The following CHRNA2 variants were observed in gnomAD, a reference collection of about 807,000 sequenced individuals.
CHRNA2 encodes neuronal acetylcholine receptor subunit alpha-2.
Under a neutral mutation model 45.5 loss-of-function variants are expected in CHRNA2, and 40 were observed. The ratio of observed to expected loss-of-function variants is 0.88; its 90% CI spans 0.68 to 1.15. The LOEUF (loss-of-function observed/expected upper bound fraction) is 1.15. Among genes scored for constraint, CHRNA2 ranks in the 50% most tolerant of loss-of-function variants. The pLI, the probability that CHRNA2 is intolerant of heterozygous loss-of-function variation, is 0.00. For synonymous variants in CHRNA2, 301 were observed against 296.7 expected, an observed-to-expected ratio of 1.01 and a Z score of -0.15; for missense variants, 655 against 701.7, an observed-to-expected ratio of 0.93 and a Z score of 0.75.
intron 4 of CHRNA2, 117 bp from the exon 5 acceptor site, chr8:27,467,455 G>C (rs557339825): frequency 1.3e-6 from 1 of 758,762 alleles, no homozygotes; most frequent in African/African-American, 1.7e-5. Context: ...AGCAGCCAGG[G>C]CTCCCCACCC....
Position 27,463,133 on chromosome 8 carries a change from C to T in CHRNA2, c.1310G>A (p.Cys437Tyr). 1 of 1,605,904 alleles carries T rather than the reference C, an allele frequency of 6.2e-7. No individual in the cohort carries two copies. The highest frequency in any genetic ancestry group is 8.5e-7 in the Non-Finnish European group (1 of 1,173,356). ...GHVAPSVGTL[C>Y]SHGHLHSGAS... ...CCCAGAGTGCAGGTGGCCGTGGCTG[C>T]AGAGGGTGCCCACAGAGGGGGCCAC... Residue 437 changes from cysteine (C) to tyrosine (Y), a missense_variant, in exon 6 of 7, where the codon TGC becomes TAC. Physicochemically the swap from Cys to Tyr is radical, Grantham distance 194. Coordinates refer to ENST00000407991, the MANE Select transcript of CHRNA2 (RefSeq NM_000742.4). This position sits in a 1 kb window ranked among gnomAD's most constrained non-coding sequence, Gnocchi z 6.1.
intron 5 of CHRNA2, 53 bp downstream of exon 5, chr8:27,467,176 G>GC: frequency 1.4e-6 from 2 of 1,417,064 alleles, no homozygotes; most frequent in Non-Finnish European, 2.0e-6. Flanking sequence ...CATGGACCCG[G>GC]CCCCTGCAAG....
At position 27,461,603 on chromosome 8, in the gene CHRNA2, T is replaced by G; in HGVS notation, c.*26A>C. ...CAAAAGATGGTCAGCGGGGGTGCCCTGGGAGCCAGCTCGAGGGAGGTGCAG... is the reference window on the plus strand; with the variant it reads ...CAAAAGATGGTCAGCGGGGGTGCCCGGGGAGCCAGCTCGAGGGAGGTGCAG... On this transcript the variant is annotated 3_prime_UTR_variant, in exon 7 of 7. Coordinates refer to ENST00000407991, the MANE Select transcript of CHRNA2 (RefSeq NM_000742.4). 6.2e-7 allele frequency: 1 copy of G among 1,613,928 alleles called. No individual in the cohort carries two copies. Among genetic ancestry groups the G allele is most frequent in the Non-Finnish European group, 8.5e-7 (1 of 1,179,858 alleles).
intron 1 of CHRNA2, among the ~76,000 whole-genome samples, chr8:27,473,298 G>A (rs192148123): frequency 6.6e-6 from 1 of 152,252 alleles, no homozygotes; most frequent in African/African-American, 2.4e-5. Flanking sequence ...AGTGGTGACG[G>A]CTGCACACTG....
chr8:27,467,183 C>CAA, intron 5 of CHRNA2, 46 bp downstream of exon 5: 3 of 1,485,426 alleles, frequency 2.0e-6, no homozygotes, highest in Non-Finnish European at 1.9e-6. Flanking sequence ...CCGGCCCCTG[C>CAA]AAGTTGGCCT....
chr8:27,475,978 G>T (rs1284697294), intron 1 of CHRNA2, among the ~76,000 whole-genome samples: 1 of 152,198 alleles, frequency 6.6e-6, no homozygotes, highest in Non-Finnish European at 1.5e-5. Flanking sequence ...AAGGTACCCA[G>T]GGCAGGAGGA....
At position 27,463,756 on chromosome 8, in the gene CHRNA2, G is replaced by A. The variant is rs1050947622; in HGVS notation, c.687C>T (p.Gly229=). Residue 229 remains glycine, a synonymous_variant, in exon 6 of 7, where the codon GGC becomes GGT. Coordinates refer to ENST00000407991, the MANE Select transcript of CHRNA2 (RefSeq NM_000742.4). The surrounding 1 kb of genome is among the most constrained non-coding windows in gnomAD (Gnocchi z 6.1). ...TVDLKDYWES[G]EWAIVNATGT... Reference sequence around the variant, plus strand: ...CCGTGGCATTGACGATGGCCCACTCGCCGCTCTCCCAGTAGTCCTTCAGGT... The same window carrying A: ...CCGTGGCATTGACGATGGCCCACTCACCGCTCTCCCAGTAGTCCTTCAGGT... 1.2e-5 allele frequency: 19 copies of A among 1,613,966 alleles called. No homozygotes were observed. The East Asian group carries it at 1.6e-4, about 13-fold the overall frequency.
chr8:27,468,960 C>G (rs1290081250), intron 4 of CHRNA2, among the ~76,000 whole-genome samples: 1 of 152,218 alleles, frequency 6.6e-6, no homozygotes, highest in Non-Finnish European at 1.5e-5. Context: ...CAGCTGGGCC[C>G]CCTTTTCCAG....
chr8:27,475,518 TA>T (rs1162185556), intron 1 of CHRNA2: 2 of 153,498 alleles, frequency 1.3e-5, no homozygotes, highest in African/African-American at 4.8e-5. Context: ...AGACAGAAAG[TA>T]GAATGGTGGG....
chr8:27,465,467 C>T lies in CHRNA2; in HGVS notation c.450-1474G>A, dbSNP rs921938652. Among the ~76,000 whole-genome samples the T allele has an allele frequency of 5.3e-5, 8 of 152,216 alleles. No homozygotes were observed. The East Asian group carries it at 1.5e-3, about 29-fold the overall frequency. On this transcript the variant is annotated intron_variant, in intron 5 of 6. Coordinates refer to ENST00000407991, the MANE Select transcript of CHRNA2 (RefSeq NM_000742.4). The stretch of plus-strand genomic sequence containing the variant: ...TTTTTTTTTGAGGCGGAATCTCACT[C>T]TGTTATCGGGCTGGAGTGCAGGGGT...
chr8:27,469,854 G>A lies in CHRNA2; in HGVS notation c.201C>T (p.Phe67=). 3 of 1,614,148 alleles carry A rather than the reference G, an allele frequency of 1.9e-6. No individual in the cohort carries two copies. The highest frequency in any genetic ancestry group is 2.5e-6 in the Non-Finnish European group (3 of 1,180,034). The change falls in exon 3 of 7, where the codon TTC becomes TTT. Residue 67 remains phenylalanine, a synonymous_variant. Coordinates refer to ENST00000407991, the MANE Select transcript of CHRNA2 (RefSeq NM_000742.4). ...GGCGCGCCCAGCGGTTGTAGCCCCG[G>A]AAGAGGTGTTTGAAGAGCCGGTCCT... ...ETEDRLFKHL[F]RGYNRWARPV...
chr8:27,467,359 G>C (rs773105816), intron 4 of CHRNA2, 21 bp from the exon 5 acceptor site: 3 of 1,577,966 alleles, frequency 1.9e-6, no homozygotes, highest in Middle Eastern at 1.7e-4. Flanking sequence ...GGAAGGAGTT[G>C]TGTCAACCTC....
intron 5 of CHRNA2, 112 bp from the exon 6 acceptor site, chr8:27,464,105 A>T: frequency 2.4e-6 from 3 of 1,224,588 alleles, no homozygotes; most frequent in Non-Finnish European, 2.4e-6. Flanking sequence ...ACCCGGCCAC[A>T]CTGGCGGGGT....
At chr8:27,476,491 G>A (rs1813064565) in intron 1 of CHRNA2, among the ~76,000 whole-genome samples, 1 of 152,154 alleles carries the variant, frequency 6.6e-6, no homozygotes, top group Admixed American at 6.5e-5. Context: ...GTTGTTATCC[G>A]AGATTAAATC....
intron 4 of CHRNA2, 61 bp from the exon 5 acceptor site, chr8:27,467,399 A>T: frequency 7.4e-7 from 1 of 1,349,702 alleles, no homozygotes; most frequent in Admixed American, 1.7e-5. Context: ...GGGCAAAGCT[A>T]GCACACCCCG....
intron 1 of CHRNA2, among the ~76,000 whole-genome samples, chr8:27,474,556 T>C (rs1351883856): frequency 3.6e-5 from 5 of 138,030 alleles, no homozygotes; most frequent in African/African-American, 8.2e-5. Flanking sequence ...AGTATATGTA[T>C]GGAATGAACT....
intron 1 of CHRNA2, among the ~76,000 whole-genome samples, chr8:27,477,911 G>A (rs1803739892): frequency 6.6e-6 from 1 of 152,044 alleles, no homozygotes; most frequent in Admixed American, 6.6e-5. Flanking sequence ...CCAGTTCCAG[G>A]CCACCCCCAC....
intron 1 of CHRNA2, among the ~76,000 whole-genome samples, chr8:27,474,658 G>A (rs1481164315): frequency 2.6e-5 from 4 of 152,206 alleles, no homozygotes; most frequent in Non-Finnish European, 5.9e-5. Flanking sequence ...CCACAGATAG[G>A]CCTGGTACAC....
chr8:27,470,327 G>T (rs180982173), intron 2 of CHRNA2, among the ~76,000 whole-genome samples: 5 of 152,276 alleles, frequency 3.3e-5, no homozygotes, highest in Admixed American at 6.5e-5. Context: ...TACGTGGCGG[G>T]GCTGCAGGGA....
Sources: allele counts gnomAD v4.1 joint callset (sites outside exome capture counted in the v4.1 genomes callset), GRCh38; gene constraint gnomAD v4.1.1; non-coding constraint Gnocchi (gnomAD v3.1); transcripts MANE v1.5; gene names NCBI Gene and HGNC (gene_info 2026-07-23, HGNC 2026-07-21).